Variants in SLC7A11 observed in about 807,000 individuals in gnomAD.
SLC7A11 encodes the protein cystine/glutamate transporter.
SLC7A11 carries 35 observed loss-of-function variants against 54.5 expected under a neutral mutation model. The ratio of observed to expected loss-of-function variants is 0.64; its 90% confidence interval spans 0.49 to 0.85. SLC7A11 has a LOEUF of 0.85. SLC7A11 is among the 40% of genes least tolerant of loss of function. The probability of loss-of-function intolerance (pLI) is 0.00; values close to 1 mark genes in which losing one functional copy is unlikely to be tolerated. For synonymous variants in SLC7A11, 230 were observed against 225.2 expected, an observed-to-expected ratio of 1.02 and a Z score of -0.19; for missense variants, 583 against 618.1, an observed-to-expected ratio of 0.94 and a Z score of 0.60.
rs964968119 is a variant in SLC7A11, at chr4:138,215,971, G to A, written c.747-1342C>T. 2.0e-5 allele frequency among the ~76,000 whole-genome samples: 3 copies of A among 152,200 alleles called. 1 individual carries two copies. The highest frequency in any genetic ancestry group is 6.5e-5 in the Admixed American group (1 of 15,270). On this transcript the variant is annotated intron_variant, in intron 5 of 11. Coordinates refer to ENST00000280612, the MANE Select transcript of SLC7A11 (RefSeq NM_014331.4). ...CAAATATTTGCCACAGCTCCAGGGA[G>A]TAGAGAAAAGGAAAGGGCTTGGAGC...
chr4:138,191,100 A>G (rs4863768), intron 6 of SLC7A11, among the ~76,000 whole-genome samples: 56,103 of 152,018 alleles, frequency 0.37, 10,832 homozygotes, highest in Middle Eastern at 0.52. Flanking sequence ...ATAGCAAGAG[A>G]AAGAAAACAT....
At chr4:138,219,783 T>C (rs1041631789) in intron 4 of SLC7A11, among the ~76,000 whole-genome samples, 1 of 152,162 alleles carries the variant, frequency 6.6e-6, no homozygotes, top group African/African-American at 2.4e-5. Flanking sequence ...GGTTCTACCC[T>C]TAATGAGGAG....
intron 5 of SLC7A11, among the ~76,000 whole-genome samples, chr4:138,218,020 GCTATAATCTT>G (rs1271783413): frequency 3.3e-5 from 5 of 152,106 alleles, no homozygotes; most frequent in African/African-American, 1.2e-4. Flanking sequence ...TTTCCTTAGA[GCTATAATCTT>G]CTAACAATCT....
chr4:138,242,260 C>T lies in SLC7A11; in HGVS notation c.-191G>A, dbSNP rs1479622900. 1 of 636,216 alleles carries T rather than the reference C, an allele frequency of 1.6e-6. No individual in the cohort carries two copies. Among genetic ancestry groups the T allele is most frequent in the Non-Finnish European group, 2.7e-6 (1 of 369,892 alleles). 39.4% of individuals were successfully genotyped at this position (636,216 alleles called of 1,614,324 possible). A position where few individuals can be genotyped will look rare whatever the true frequency, so the allele number is the denominator to read the frequency against. On this transcript the variant is annotated 5_prime_UTR_variant, in exon 1 of 12. Transcript: ENST00000280612. The stretch of plus-strand genomic sequence containing the variant: ...CAGCGATCTAATTACTACTCAGAAA[C>T]ACCTGTGTATGCATCGTGCTCTCAA...
chr4:138,185,791 T>C (rs1736861595), intron 6 of SLC7A11, among the ~76,000 whole-genome samples: 1 of 152,162 alleles, frequency 6.6e-6, no homozygotes. Flanking sequence ...ATAGCTTTCA[T>C]TCCCACCAAA....
intron 11 of SLC7A11, chr4:138,175,519 C>T (rs779572521): frequency 1.1e-4 from 16 of 152,182 alleles, no homozygotes; most frequent in Non-Finnish European, 2.9e-5. Context: ...TTTTTCCTCG[C>T]GTGAGAAGCT....
At chr4:138,214,735 C>T in intron 5 of SLC7A11, 106 bp from the exon 6 acceptor site, 1 of 377,306 alleles carries the variant, frequency 2.7e-6, no homozygotes, top group Non-Finnish European at 4.8e-6. Context: ...AAAACTATAA[C>T]AATACTTATA....
intron 3 of SLC7A11, among the ~76,000 whole-genome samples, chr4:138,225,810 T>C (rs1370900272): frequency 2.0e-5 from 3 of 151,958 alleles, no homozygotes; most frequent in Non-Finnish European, 2.9e-5. Context: ...TCTGTATTTA[T>C]GAAAGTTCTT....
chr4:138,201,929 T>C (rs1195268679), intron 6 of SLC7A11, among the ~76,000 whole-genome samples: 1 of 152,140 alleles, frequency 6.6e-6, no homozygotes, highest in Non-Finnish European at 1.5e-5. Context: ...TCCCTCTCTT[T>C]CTTTATGTAT....
Position 138,242,291 on chromosome 4 carries a change from C to G in SLC7A11, c.-222G>C. On this transcript the variant is annotated 5_prime_UTR_variant, in exon 1 of 12. Coordinates refer to ENST00000280612, the MANE Select transcript of SLC7A11 (RefSeq NM_014331.4). Reference sequence around the variant, plus strand: ...TGTATGCATCGTGCTCTCAATTCTCCACCTCCTCGTTCCACCACTGCTGCT... The same window carrying G: ...TGTATGCATCGTGCTCTCAATTCTCGACCTCCTCGTTCCACCACTGCTGCT... The G allele has an allele frequency of 1.7e-6, 1 of 575,670 alleles. No homozygotes were observed. Among genetic ancestry groups the G allele is most frequent in the Non-Finnish European group, 3.1e-6 (1 of 324,942 alleles). The allele number at this position is 575,670 out of a possible 1,614,324, so 35.7% of individuals were successfully genotyped here.
At chr4:138,224,815 A>AAAAGAAGGAAGGAAGGAAGG (rs944259412) in intron 3 of SLC7A11, among the ~76,000 whole-genome samples, 59 of 135,950 alleles carry the variant, frequency 4.3e-4, no homozygotes, top group East Asian at 1.7e-3. Flanking sequence ...AGGAAGGATG[A>AAAAGAAGGAAGGAAGGAAGG]AAGGAAGGAA....
At chr4:138,225,598 C>A (rs373614118) in intron 3 of SLC7A11, among the ~76,000 whole-genome samples, 16 of 152,202 alleles carry the variant, frequency 1.1e-4, no homozygotes, top group African/African-American at 3.6e-4. Flanking sequence ...GTTAGTGTAA[C>A]TCTGCTCCCT....
intron 9 of SLC7A11, among the ~76,000 whole-genome samples, chr4:138,181,966 A>G (rs909831476): frequency 1.3e-5 from 2 of 152,072 alleles, no homozygotes; most frequent in Non-Finnish European, 2.9e-5. Flanking sequence ...ACTTTCCTTA[A>G]GTCATTGGGA....
At chr4:138,229,045 T>A (rs1483471609) in intron 3 of SLC7A11, among the ~76,000 whole-genome samples, 1 of 152,192 alleles carries the variant, frequency 6.6e-6, no homozygotes, top group African/African-American at 2.4e-5. Context: ...TTTCACAAAA[T>A]TTGAAATTCT....
At chr4:138,221,734 T>C (rs963392540) in intron 4 of SLC7A11, among the ~76,000 whole-genome samples, 2 of 152,166 alleles carry the variant, frequency 1.3e-5, no homozygotes, top group Non-Finnish European at 2.9e-5. Context: ...CTCATATACA[T>C]ATATAAATAC....
Position 138,183,274 on chromosome 4 carries a change from G to A in SLC7A11, c.947C>T (p.Ser316Leu). Reference protein sequence around the residue: ...TFSERLLGNFSLAVPIFVALS... With the variant: ...TFSERLLGNFLLAVPIFVALS... ...GGCAACAAAGATCGGAACTGCTAAT[G>A]AGAAATTTCCCAGTAGCCGCTCAGA... Residue 316 changes from serine to leucine, a missense_variant, in exon 8 of 12, where the codon TCA becomes TTA. By Grantham distance (145) the Ser-to-Leu change is moderately radical. Transcript: ENST00000280612. 6.2e-7 allele frequency: 1 copy of A among 1,611,756 alleles called. No individual in the cohort carries two copies. Among genetic ancestry groups the A allele is most frequent in the Non-Finnish European group, 8.5e-7 (1 of 1,178,786 alleles).
rs1736847461 is a variant in SLC7A11, at chr4:138,185,239, A to G, written c.797T>C (p.Ile266Thr). The G allele has an allele frequency of 6.2e-7, 1 of 1,612,360 alleles. No individual in the cohort carries two copies. Among genetic ancestry groups the G allele is most frequent in the Non-Finnish European group, 8.5e-7 (1 of 1,178,866 alleles). ...CATGGATATACATATTGCAAGGGGA[A>G]TGGTTCTGAAATGCACAAAGGAATC... is the stretch of plus-strand genomic sequence containing the variant. ...TEEVENPEKT[I>T]PLAICISMAI... Residue 266 changes from isoleucine to threonine, a missense_variant, in exon 7 of 12, where the codon ATT (isoleucine) becomes ACT (threonine). Physicochemically the swap from Ile to Thr is moderately conservative, Grantham distance 89. Transcript: ENST00000280612.
At chr4:138,241,067 A>T (rs753515583) in intron 1 of SLC7A11, among the ~76,000 whole-genome samples, 10 of 152,218 alleles carry the variant, frequency 6.6e-5, no homozygotes, top group Non-Finnish European at 1.2e-4. Context: ...AATATAATGA[A>T]AAAAACAGAT....
At chr4:138,225,179 A>G (rs144059514) in intron 3 of SLC7A11, among the ~76,000 whole-genome samples, 1,353 of 126,060 alleles carry the variant, frequency 0.011, 26 homozygotes, top group Non-Finnish European at 0.013. Flanking sequence ...TATAAATAAA[A>G]TCATTACATT....
Sources: gnomAD v4.1 joint callset for allele counts (sites outside exome capture counted in the v4.1 genomes callset) on GRCh38, gnomAD v4.1.1 for gene constraint, MANE v1.5 for transcripts, NCBI Gene and HGNC (gene_info 2026-07-23, HGNC 2026-07-21) for gene names.